The following ADGRL3 variants were observed in gnomAD, a reference collection of about 807,000 sequenced individuals.
ADGRL3 encodes the protein adhesion G protein-coupled receptor L3.
ADGRL3 carries 62 observed loss-of-function variants against 153.5 expected under a neutral mutation model. The observed-to-expected ratio is 0.40, with a 90% CI of 0.33 to 0.50. ADGRL3 has a LOEUF of 0.50. Among genes scored for constraint, ADGRL3 ranks in the 20% least tolerant of loss-of-function variants. The pLI is 0.47. For synonymous variants in ADGRL3, 710 were observed against 672.5 expected (o/e 1.06, Z -0.86); for missense variants, 1,641 against 1,859.4 (o/e 0.88, Z 2.16).
chr4:61,871,240 T>C (rs1427783560), intron 9 of ADGRL3, among the ~76,000 whole-genome samples: 3 of 150,118 alleles, frequency 2.0e-5, no homozygotes, highest in Admixed American at 6.6e-5. Flanking sequence ...ATCGCACCAC[T>C]GCACTCCAGC....
Position 62,037,954 on chromosome 4 carries a change from C to A in ADGRL3, c.3717+98C>A, listed in dbSNP as rs1292771470. ...AATTTCTAGCCTGTGTTTAACACAT[C>A]GTTTGTTTTTGTTGTTTCACTGTGT... On this transcript the variant is annotated intron_variant, in intron 24 of 26. Coordinates refer to ENST00000683033, the MANE Select transcript of ADGRL3 (RefSeq NM_001387552.1). 6 of 1,378,234 alleles carry A rather than the reference C, an allele frequency of 4.4e-6. No individual in the cohort carries two copies. The Admixed American group carries it at 9.2e-5, about 21-fold the overall frequency. The allele number at this position is 1,378,234 out of a possible 1,614,324, so 85.4% of individuals were successfully genotyped here.
At chr4:61,748,360 T>C (rs149315322) in intron 8 of ADGRL3, among the ~76,000 whole-genome samples, 12,940 of 151,702 alleles carry the variant, frequency 0.085, 1,177 homozygotes, top group African/African-American at 0.23. Context: ...AAAAAACTAC[T>C]TTAAAGTTCA....
intron 1 of ADGRL3, among the ~76,000 whole-genome samples, chr4:61,307,672 C>A (rs2094844212): frequency 6.6e-6 from 1 of 151,772 alleles, no homozygotes; most frequent in East Asian, 1.9e-4. Flanking sequence ...CAAAAAGTAT[C>A]AGAACAAAAT....
intron 3 of ADGRL3, among the ~76,000 whole-genome samples, chr4:61,509,630 A>G (rs567719785): frequency 1.3e-3 from 202 of 150,354 alleles, no homozygotes; most frequent in Non-Finnish European, 2.4e-3. Context: ...GTGCGTGTGT[A>G]TATATATATA....
At chr4:61,428,553 AC>A (rs1560615436) in intron 2 of ADGRL3, among the ~76,000 whole-genome samples, 1 of 152,194 alleles carries the variant, frequency 6.6e-6, no homozygotes, top group Non-Finnish European at 1.5e-5. Flanking sequence ...ATATTGAGAG[AC>A]AGTGTATATA....
In ADGRL3 at chr4:62,071,724, T is replaced by C. The variant is rs997341539; in HGVS notation, c.*816T>C. 9 of 425,150 alleles carry C rather than the reference T, an allele frequency of 2.1e-5. No homozygotes were observed. Among genetic ancestry groups the C allele is most frequent in the Non-Finnish European group, 4.2e-5 (9 of 215,984 alleles). 26.3% of individuals were successfully genotyped at this position (425,150 alleles called of 1,614,324 possible). ...AGAGAGCAAAGTTTCCTTCCTTTCT[T>C]CTCTTTCTTCATTTTCTTTTTTTCT... On this transcript the variant is annotated 3_prime_UTR_variant, in exon 27 of 27. Coordinates refer to ENST00000683033, the MANE Select transcript of ADGRL3 (RefSeq NM_001387552.1).
At chr4:61,949,296 G>A (rs1409723191) in intron 17 of ADGRL3, among the ~76,000 whole-genome samples, 1 of 152,156 alleles carries the variant, frequency 6.6e-6, no homozygotes, top group Non-Finnish European at 1.5e-5. Flanking sequence ...TATACATTAT[G>A]TGGCATTAAA....
rs183858418 is a variant in ADGRL3 at position 61,384,221 on chromosome 4, A to G, written c.-174+1032A>G. Among the ~76,000 whole-genome samples, 30 of 151,548 alleles carry G rather than the reference A, an allele frequency of 2.0e-4. No homozygotes were observed. In the East Asian group the frequency reaches 5.6e-3, roughly 28 times the overall value. On this transcript the variant is annotated intron_variant, in intron 2 of 26. Transcript: ENST00000683033. The stretch of plus-strand genomic sequence containing the variant: ...AATATTTTTGCTTAATTTCTTTGTC[A>G]TTGTTTTCTTCCCCCTATTTATTTC...
chr4:61,583,918 C>T (rs556343243), intron 4 of ADGRL3, among the ~76,000 whole-genome samples: 1 of 152,020 alleles, frequency 6.6e-6, no homozygotes, highest in East Asian at 1.9e-4. Flanking sequence ...TCCACAATGC[C>T]CAATGCAATG....
intron 23 of ADGRL3, among the ~76,000 whole-genome samples, chr4:62,033,143 A>G (rs1399026813): frequency 6.6e-6 from 1 of 151,800 alleles, no homozygotes; most frequent in Non-Finnish European, 1.5e-5. Flanking sequence ...GAAGATTCAA[A>G]CAACCTCAAT....
At chr4:61,298,653 T>C (rs574773018) in intron 1 of ADGRL3, among the ~76,000 whole-genome samples, 157 of 152,316 alleles carry the variant, frequency 1.0e-3, no homozygotes, top group African/African-American at 3.5e-3. Context: ...AGGACAACCA[T>C]TTCTACATTA....
intron 5 of ADGRL3, among the ~76,000 whole-genome samples, chr4:61,593,393 T>G (rs1161936204): frequency 6.6e-6 from 1 of 152,110 alleles, no homozygotes; most frequent in Non-Finnish European, 1.5e-5. Context: ...TTGTTTTGTT[T>G]TTTTCCTTCA....
chr4:61,306,335 T>C (rs892713387), intron 1 of ADGRL3, among the ~76,000 whole-genome samples: 6 of 152,034 alleles, frequency 3.9e-5, no homozygotes, highest in African/African-American at 1.4e-4. Flanking sequence ...CCTGACCTTG[T>C]GATCCACCCA....
intron 9 of ADGRL3, among the ~76,000 whole-genome samples, chr4:61,833,166 G>A (rs1231966089): frequency 6.6e-6 from 1 of 151,960 alleles, no homozygotes; most frequent in African/African-American, 2.4e-5. Flanking sequence ...TGTGTATCAC[G>A]CTTTATAGGT....
At chr4:62,015,057 CTG>C (rs1168641084) in intron 21 of ADGRL3, among the ~76,000 whole-genome samples, 3 of 152,126 alleles carry the variant, frequency 2.0e-5, no homozygotes, top group Non-Finnish European at 4.4e-5. Context: ...AGACAAAAGA[CTG>C]TATTAAATCA....
intron 1 of ADGRL3, among the ~76,000 whole-genome samples, chr4:61,373,693 C>G (rs528588611): frequency 6.6e-6 from 1 of 152,204 alleles, no homozygotes; most frequent in South Asian, 2.1e-4. Flanking sequence ...TATTGTTTCA[C>G]TTTAATAGAC....
At chr4:61,642,049 A>T (rs1356025631) in intron 5 of ADGRL3, among the ~76,000 whole-genome samples, 1 of 149,808 alleles carries the variant, frequency 6.7e-6, no homozygotes, top group African/African-American at 2.5e-5. Context: ...GATGATGAGC[A>T]TTTTTTCATG....
intron 5 of ADGRL3, among the ~76,000 whole-genome samples, chr4:61,609,023 C>G (rs1004114988): frequency 1.3e-5 from 2 of 151,976 alleles, no homozygotes; most frequent in African/African-American, 4.8e-5. Context: ...TACAGTTTAG[C>G]ATTCAGTTAG....
intron 2 of ADGRL3, among the ~76,000 whole-genome samples, chr4:61,386,479 T>A (rs930527432): frequency 2.0e-5 from 3 of 152,176 alleles, no homozygotes; most frequent in Non-Finnish European, 2.9e-5. Context: ...AATTAACATC[T>A]AGAACATACA....
Sources: gnomAD v4.1 joint callset for allele counts (sites outside exome capture counted in the v4.1 genomes callset) on GRCh38, gnomAD v4.1.1 for gene constraint, MANE v1.5 for transcripts, NCBI Gene and HGNC (gene_info 2026-07-23, HGNC 2026-07-21) for gene names.